The following TOMM34 variants were observed in gnomAD, a reference collection of about 807,000 sequenced individuals.
TOMM34 encodes translocase of outer mitochondrial membrane 34.
A neutral mutation model predicts 37.4 loss-of-function variants in TOMM34; 24 were observed. The observed-to-expected ratio is 0.64, with a 90% CI of 0.46 to 0.90. The LOEUF is 0.90. Among genes scored for constraint, TOMM34 ranks in the 40% least tolerant of loss-of-function variants. The pLI is 0.00. For synonymous variants in TOMM34, 154 were observed against 148.9 expected (o/e 1.03, Z -0.25); for missense variants, 304 against 375.6 (o/e 0.81, Z 1.58).
rs149154015 is a variant in TOMM34 at position 44,955,176 on chromosome 20, C to T, written c.272G>A (p.Arg91Gln). Residue 91 changes from arginine (R) to glutamine (Q), a missense_variant, in exon 3 of 7, where the codon CGA becomes CAA. Transcript: ENST00000372813. ...CTCCAGAGCCTCATAAGCAGATGCT[C>T]GCCGCAGCAGGGGCTTAATGCTGAA... ...VPFSIKPLLR[R>Q]ASAYEALEKY... is the part of the protein sequence containing the mutation. 5 of 1,614,176 alleles carry T rather than the reference C, an allele frequency of 3.1e-6. No individual in the cohort carries two copies. In the African/African-American group the frequency reaches 4.0e-5, roughly 13 times the overall value.
At chr20:44,954,186 C>CT (rs1007871913) in intron 3 of TOMM34, among the ~76,000 whole-genome samples, 3 of 152,210 alleles carry the variant, frequency 2.0e-5, no homozygotes, top group African/African-American at 7.2e-5. Flanking sequence ...TAGGTGGCTC[C>CT]TTTCTGGCCT....
intron 2 of TOMM34, chr20:44,955,642 AC>A: frequency 2.2e-6 from 1 of 457,406 alleles, no homozygotes; most frequent in Non-Finnish European, 4.4e-6. Context: ...TACTGCCCCA[AC>A]CCTCAGCAAC....
At chr20:44,958,601 G>A (rs1414711488) in intron 1 of TOMM34, 4 of 214,394 alleles carry the variant, frequency 1.9e-5, no homozygotes, top group Admixed American at 5.2e-5. Flanking sequence ...AGCTCTCTTC[G>A]TGATCAAGAA....
chr20:44,948,627 T>C (rs1271565644), intron 5 of TOMM34, 103 bp downstream of exon 5: 9 of 1,420,338 alleles, frequency 6.3e-6, no homozygotes, highest in Non-Finnish European at 8.7e-6. Context: ...AGCCATAACA[T>C]ACTTGACTAA....
rs762198125 is a variant in TOMM34 at position 44,960,189 on chromosome 20, TG to T, written c.127+17del. The T allele has an allele frequency of 7.7e-6, 12 of 1,550,070 alleles. No individual in the cohort carries two copies. In the East Asian group the frequency reaches 2.2e-4, roughly 29 times the overall value. ...TGGAGGAGCAGGCCCGGAGGTGAGATGGGGGCCGGGGTCGTACCTTGCGCCT... is the reference window on the plus strand; with the variant it reads ...TGGAGGAGCAGGCCCGGAGGTGAGATGGGGCCGGGGTCGTACCTTGCGCCT... On this transcript the variant is annotated intron_variant, in intron 1 of 6. Coordinates refer to ENST00000372813, the MANE Select transcript of TOMM34 (RefSeq NM_006809.5).
intron 5 of TOMM34, among the ~76,000 whole-genome samples, chr20:44,944,648 T>C (rs2039281050): frequency 6.6e-6 from 1 of 152,124 alleles, no homozygotes; most frequent in Admixed American, 6.6e-5. Context: ...CCCAGGAGTT[T>C]GAGACCAGCC....
At chr20:44,950,032 A>G (rs921608666) in intron 4 of TOMM34, among the ~76,000 whole-genome samples, 2 of 152,100 alleles carry the variant, frequency 1.3e-5, no homozygotes, top group African/African-American at 4.8e-5. Context: ...CCATTCTCCC[A>G]TTTATGGAGA....
At chr20:44,946,878 G>T (rs1262472552) in intron 5 of TOMM34, among the ~76,000 whole-genome samples, 2 of 152,160 alleles carry the variant, frequency 1.3e-5, no homozygotes, top group African/African-American at 4.8e-5. Context: ...TTTGGAATTT[G>T]CCAAAATGAT....
At position 44,960,203 on chromosome 20, in the gene TOMM34, G is replaced by C. The variant is rs893793986; in HGVS notation, c.127+4C>G. 6.4e-7 allele frequency: 1 copy of C among 1,556,470 alleles called. No homozygotes were observed. The highest frequency in any genetic ancestry group is 8.7e-7 in the Non-Finnish European group (1 of 1,151,472). On this transcript the variant is annotated splice_donor_region_variant and intron_variant, in intron 1 of 6. Coordinates refer to ENST00000372813, the MANE Select transcript of TOMM34 (RefSeq NM_006809.5). ...CGGAGGTGAGATGGGGGCCGGGGTC[G>C]TACCTTGCGCCTGCAGCACCCGCAG...
chr20:44,948,161 C>T (rs1601139724), intron 5 of TOMM34, among the ~76,000 whole-genome samples: 1 of 152,190 alleles, frequency 6.6e-6, no homozygotes, highest in African/African-American at 2.4e-5. Context: ...ATCACTCCTA[C>T]ACAGTGAAGG....
chr20:44,942,370 T>G lies in TOMM34; in HGVS notation c.*739A>C, dbSNP rs12536. ...AAACCAAGTCCCTGCCCAGAAAGCA[T>G]GGACACTGACCAAGGAGGCCTCTTG... On this transcript the variant is annotated 3_prime_UTR_variant, in exon 7 of 7. Transcript: ENST00000372813. 0.076 allele frequency: 11,533 copies of G among 152,358 alleles called. 748 individuals are homozygous for G. The highest frequency in any genetic ancestry group is 0.17 in the African/African-American group (7,155 of 41,534). The allele number at this position is 152,358 out of a possible 1,614,324, so 9.4% of individuals were successfully genotyped here.
rs2066985753 is a variant in TOMM34, at chr20:44,946,955, GAA to G, written c.698+1773_698+1774del. Among the ~76,000 whole-genome samples the G allele has an allele frequency of 2.0e-5, 3 of 152,292 alleles. No individual in the cohort carries two copies. In the South Asian group the frequency reaches 6.2e-4, roughly 32 times the overall value. ...GAATGCTCTGATTAAGAAGAATGAAGAAAAGACCAGCCCTATAAGATATTATA... is the reference window on the plus strand; with the variant it reads ...GAATGCTCTGATTAAGAAGAATGAAGAAGACCAGCCCTATAAGATATTATA... On this transcript the variant is annotated intron_variant, in intron 5 of 6. Transcript: ENST00000372813.
Position 44,951,940 on chromosome 20 carries a change from G to A in TOMM34, c.443C>T (p.Pro148Leu). Residue 148 changes from proline to leucine, a missense_variant, in exon 4 of 7, where the codon CCC becomes CTC. Pro to Leu is a moderately conservative substitution (Grantham distance 98, BLOSUM62 -3). Coordinates refer to ENST00000372813, the MANE Select transcript of TOMM34 (RefSeq NM_006809.5). ...CTTCTGAGCTGAAACAGGCACCAAG[G>A]GGATTGAGGGCAGCTTCAGGCGCCA... ...PEWRLKLPSI[P>L]LVPVSAQKRW... is the part of the protein sequence containing the mutation. The A allele has an allele frequency of 1.2e-6, 2 of 1,614,116 alleles. No homozygotes were observed. Among genetic ancestry groups the A allele is most frequent in the South Asian group, 1.1e-5 (1 of 91,078 alleles).
At chr20:44,952,103 G>A in intron 3 of TOMM34, 101 bp from the exon 4 acceptor site, 1 of 1,410,548 alleles carries the variant, frequency 7.1e-7, no homozygotes, top group Non-Finnish European at 9.4e-7. Context: ...AGAAGAGCCA[G>A]AGCTGCCACC....
At chr20:44,945,989 C>G (rs1161336533) in intron 5 of TOMM34, among the ~76,000 whole-genome samples, 1 of 152,226 alleles carries the variant, frequency 6.6e-6, no homozygotes, top group South Asian at 2.1e-4. Context: ...TCCCGAGTAG[C>G]TGGGATTACA....
chr20:44,958,590 G>A, intron 1 of TOMM34: 1 of 221,504 alleles, frequency 4.5e-6, no homozygotes, highest in Admixed American at 5.1e-5. Flanking sequence ...CCTGTTCCCT[G>A]AGCTCTCTTC....
chr20:44,945,262 G>A (rs1465261362), intron 5 of TOMM34, among the ~76,000 whole-genome samples: 1 of 152,120 alleles, frequency 6.6e-6, no homozygotes, highest in East Asian at 1.9e-4. Context: ...TGATTGCATG[G>A]AATTCATAAA....
chr20:44,951,493 G>A (rs1568661877), intron 4 of TOMM34, among the ~76,000 whole-genome samples: 2 of 152,164 alleles, frequency 1.3e-5, no homozygotes, highest in African/African-American at 4.8e-5. Flanking sequence ...ACCATGTTGA[G>A]CTTTCTGTTT....
chr20:44,949,224 C>T (rs1049984146), intron 4 of TOMM34, among the ~76,000 whole-genome samples: 5 of 152,170 alleles, frequency 3.3e-5, no homozygotes, highest in African/African-American at 1.2e-4. Flanking sequence ...ACCTCAATTT[C>T]CTCACCAATA....
Sources: gnomAD v4.1 joint callset for allele counts (sites outside exome capture counted in the v4.1 genomes callset) on GRCh38, gnomAD v4.1.1 for gene constraint, MANE v1.5 for transcripts, NCBI Gene and HGNC (gene_info 2026-07-23, HGNC 2026-07-21) for gene names.